KHDRBS3: variants seen among roughly 807,000 people sequenced by gnomAD.
KHDRBS3 encodes the protein KH domain-containing, RNA-binding, signal transduction-associated protein 3.
KHDRBS3 carries 23 observed loss-of-function variants against 45.6 expected under a neutral mutation model. The ratio of observed to expected loss-of-function variants is 0.50; its 90% confidence interval spans 0.36 to 0.72. The LOEUF (loss-of-function observed/expected upper bound fraction) is 0.72, where lower values mean the gene tolerates loss of function less well. Among genes scored for constraint, KHDRBS3 ranks in the 30% least tolerant of loss-of-function variants. The probability of loss-of-function intolerance (pLI) is 0.00; values close to 1 mark genes in which losing one functional copy is unlikely to be tolerated. For missense variants in KHDRBS3, 352 were observed against 424.8 expected (o/e 0.83, Z 1.51); for synonymous variants, 162 against 156.5 (o/e 1.04, Z -0.26).
At chr8:135,523,991 T>C (rs1825048929) in intron 2 of KHDRBS3, among the ~76,000 whole-genome samples, 1 of 152,142 alleles carries the variant, frequency 6.6e-6, no homozygotes, top group Non-Finnish European at 1.5e-5. Context: ...TTCGGTTGCA[T>C]CTTATTTTAA....
At chr8:135,640,142 A>T (rs370847068) in intron 7 of KHDRBS3, among the ~76,000 whole-genome samples, 23 of 152,130 alleles carry the variant, frequency 1.5e-4, no homozygotes, top group Admixed American at 1.1e-3. Context: ...ATTGCAGGGG[A>T]GGGTAGGAGA....
chr8:135,459,924 T>C (rs1190960110), intron 1 of KHDRBS3, among the ~76,000 whole-genome samples: 4 of 152,222 alleles, frequency 2.6e-5, no homozygotes, highest in African/African-American at 7.2e-5. Context: ...AAGAAGTATA[T>C]TTCTCACATG....
intron 5 of KHDRBS3, among the ~76,000 whole-genome samples, chr8:135,578,027 ATCT>A (rs1281183921): frequency 6.6e-6 from 1 of 152,088 alleles, no homozygotes; most frequent in East Asian, 1.9e-4. Flanking sequence ...CCATCTGTAG[ATCT>A]TCTTTGGTGA....
At chr8:135,619,685 T>A (rs1830060163) in intron 7 of KHDRBS3, among the ~76,000 whole-genome samples, 1 of 152,252 alleles carries the variant, frequency 6.6e-6, no homozygotes, top group Non-Finnish European at 1.5e-5. Context: ...CCTACAATTC[T>A]TTATCTAAAA....
At chr8:135,631,252 GA>G (rs35613635) in intron 7 of KHDRBS3, among the ~76,000 whole-genome samples, 346 of 74,976 alleles carry the variant, frequency 4.6e-3, no homozygotes, top group African/African-American at 0.017. Flanking sequence ...CTCCGTCTCG[GA>G]AAAAAAAAAA....
rs80057088 is a variant in KHDRBS3 at position 135,596,535 on chromosome 8, C to A, written c.808-10420C>A. Among the ~76,000 whole-genome samples, 1,017 of 152,140 alleles carry A rather than the reference C, an allele frequency of 6.7e-3. 2 individuals are homozygous for A. Among genetic ancestry groups the A allele is most frequent in the Non-Finnish European group, 0.011 (760 of 68,006 alleles). On this transcript the variant is annotated intron_variant, in intron 6 of 8. Transcript: ENST00000355849. The stretch of plus-strand genomic sequence containing the variant: ...CCCCTATCCTGGAGAAATATAGCAA[C>A]ATAGTCCTGAAATTATTTTTTTCAT...
chr8:135,655,634 A>G (rs1831516972), intron 4 of KHDRBS3, among the ~76,000 whole-genome samples: 1 of 152,228 alleles, frequency 6.6e-6, no homozygotes, highest in Admixed American at 6.5e-5. Context: ...ACTTTGTGGT[A>G]TCAAACACTT....
At chr8:135,473,289 G>A (rs1220962170) in intron 1 of KHDRBS3, among the ~76,000 whole-genome samples, 3 of 152,098 alleles carry the variant, frequency 2.0e-5, no homozygotes, top group Non-Finnish European at 4.4e-5. Context: ...CTTGGACTTG[G>A]TTCACACTTT....
intron 5 of KHDRBS3, among the ~76,000 whole-genome samples, chr8:135,559,528 T>G (rs1827066647): frequency 2.0e-5 from 3 of 151,568 alleles, no homozygotes; most frequent in South Asian, 4.2e-4. Flanking sequence ...AATTTTTTTG[T>G]GTGTATGTAT....
intron 5 of KHDRBS3, among the ~76,000 whole-genome samples, chr8:135,575,020 A>C (rs532100758): frequency 6.6e-6 from 1 of 152,318 alleles, no homozygotes; most frequent in South Asian, 2.1e-4. Flanking sequence ...TAAGCTAGTA[A>C]GTACATGAGG....
chr8:135,566,183 G>T (rs1317572247), intron 5 of KHDRBS3, among the ~76,000 whole-genome samples: 1 of 152,302 alleles, frequency 6.6e-6, no homozygotes, highest in Admixed American at 6.5e-5. Flanking sequence ...TGTTAGTGGA[G>T]TCAGGGTTAA....
At chr8:135,548,615 G>A (rs1563760116) in intron 3 of KHDRBS3, 139 bp from the exon 4 acceptor site, 1 of 575,086 alleles carries the variant, frequency 1.7e-6, no homozygotes, top group Non-Finnish European at 2.8e-6. Context: ...TTCTTTTTTA[G>A]AGTAGTGTCT....
chr8:135,545,386 T>C (rs1826244187), intron 3 of KHDRBS3, among the ~76,000 whole-genome samples: 1 of 152,202 alleles, frequency 6.6e-6, no homozygotes, highest in Non-Finnish European at 1.5e-5. Context: ...TGGAAGGCTC[T>C]GTGGCATTTC....
At chr8:135,511,411 C>A (rs1190317862) in intron 1 of KHDRBS3, among the ~76,000 whole-genome samples, 2 of 151,836 alleles carry the variant, frequency 1.3e-5, no homozygotes, top group East Asian at 1.9e-4. Flanking sequence ...CATTATTATT[C>A]TTCCTTTCTT....
intron 5 of KHDRBS3, among the ~76,000 whole-genome samples, chr8:135,560,166 A>G (rs1041272068): frequency 3.3e-5 from 5 of 152,150 alleles, no homozygotes; most frequent in Non-Finnish European, 5.9e-5. Flanking sequence ...CTGTATATAT[A>G]TACAGTTTAT....
intron 5 of KHDRBS3, among the ~76,000 whole-genome samples, chr8:135,564,319 A>C (rs1465885389): frequency 6.6e-6 from 1 of 152,236 alleles, no homozygotes; most frequent in East Asian, 1.9e-4. Context: ...ATCTGATCCC[A>C]TGGTTTGAGA....
intron 5 of KHDRBS3, among the ~76,000 whole-genome samples, chr8:135,562,791 T>G (rs1827230999): frequency 6.6e-6 from 1 of 152,154 alleles, no homozygotes; most frequent in African/African-American, 2.4e-5. Flanking sequence ...GCTACAGAAT[T>G]CAGTGTCTAA....
chr8:135,460,032 C>T (rs1041691813), intron 1 of KHDRBS3, among the ~76,000 whole-genome samples: 5 of 152,174 alleles, frequency 3.3e-5, no homozygotes, highest in Non-Finnish European at 5.9e-5. Context: ...GGCTGATATT[C>T]GGAATGCAGA....
intron 1 of KHDRBS3, among the ~76,000 whole-genome samples, chr8:135,482,170 C>T (rs4448310): frequency 0.058 from 8,863 of 152,078 alleles, 357 homozygotes; most frequent in Non-Finnish European, 0.082. Flanking sequence ...CTGGGTTTTG[C>T]GAAGTTAATA....
Sources: allele counts gnomAD v4.1 joint callset (sites outside exome capture counted in the v4.1 genomes callset), GRCh38; gene constraint gnomAD v4.1.1; transcripts MANE v1.5; gene names NCBI Gene and HGNC (gene_info 2026-07-23, HGNC 2026-07-21).